Variants in EBI3 observed in about 807,000 individuals in gnomAD.
EBI3 encodes Epstein-Barr virus induced 3.
Under a neutral mutation model 21.3 loss-of-function variants are expected in EBI3, and 19 were observed. The observed-to-expected ratio is 0.89, with a 90% CI of 0.62 to 1.31. EBI3 has a LOEUF of 1.31. Among genes scored for constraint, EBI3 ranks in the 50% most tolerant of loss-of-function variants. The probability of loss-of-function intolerance (pLI) is 0.00; values close to 1 mark genes in which losing one functional copy is unlikely to be tolerated. For missense variants in EBI3, 331 were observed against 314.0 expected (o/e 1.05, Z -0.41); for synonymous variants, 154 against 131.2 (o/e 1.17, Z -1.19).
At chr19:4,234,395 GCA>G (rs1276842942) in intron 3 of EBI3, among the ~76,000 whole-genome samples, 1 of 151,852 alleles carries the variant, frequency 6.6e-6, no homozygotes. Flanking sequence ...GCAGCCCCAG[GCA>G]CACAGTTTCT....
intron 2 of EBI3, 144 bp from the exon 3 acceptor site, chr19:4,232,984 AC>A (rs1309513470): frequency 4.2e-6 from 4 of 944,470 alleles, no homozygotes; most frequent in Non-Finnish European, 4.4e-6. Flanking sequence ...TGGCACGGCC[AC>A]CACCAGGACC....
chr19:4,233,837 T>A (rs1201624242), intron 3 of EBI3, among the ~76,000 whole-genome samples: 1 of 152,222 alleles, frequency 6.6e-6, no homozygotes, highest in Non-Finnish European at 1.5e-5. Flanking sequence ...CCATGACTTA[T>A]TCCCTCACCT....
At chr19:4,236,518 C>CAAAAAAAAAAAAAGAAAAAAAAA (rs1970838863) in intron 4 of EBI3, among the ~76,000 whole-genome samples, 1 of 30,504 alleles carries the variant, frequency 3.3e-5, no homozygotes. Context: ...AAGACTGTCT[C>CAAAAAAAAAAAAAGAAAAAAAAA]AAAAAAAAAA....
In EBI3 at chr19:4,233,204, G is replaced by A. The variant is rs748598226; in HGVS notation, c.276G>A (p.Thr92=). Residue 92 remains threonine, a synonymous_variant, in exon 3 of 5, where the codon ACG becomes ACA. Transcript: ENST00000221847. ...QTPTSTSCTI[T]DVQLFSMAPY... is the part of the protein sequence containing the mutation. ...CAACGTCCACCAGCTGCACCATCAC[G>A]GATGTCCAGCTGTTCTCCATGGCTC... 1.1e-5 allele frequency: 17 copies of A among 1,612,386 alleles called. No homozygotes were observed. The African/African-American group carries it at 1.2e-4, about 11-fold the overall frequency.
At chr19:4,236,127 A>G (rs1208784269) in intron 4 of EBI3, among the ~76,000 whole-genome samples, 1 of 152,084 alleles carries the variant, frequency 6.6e-6, no homozygotes, top group Admixed American at 6.6e-5. Context: ...AGGCTGAGGC[A>G]GGCAGATCAC....
intron 2 of EBI3, among the ~76,000 whole-genome samples, chr19:4,232,755 TGAATGAATGAAG>T (rs1289231506): frequency 7.0e-5 from 3 of 43,038 alleles, no homozygotes; most frequent in Admixed American, 6.7e-4. Context: ...GATGAATTAA[TGAATGAATGAAG>T]GAATGAATTA....
At position 4,234,693 on chromosome 19, in the gene EBI3, C is replaced by G; in HGVS notation, c.406C>G (p.Arg136Gly). Residue 136 changes from arginine to glycine, a missense_variant, in exon 4 of 5, where the codon CGC becomes GGC. By Grantham distance (125) the Arg-to-Gly change is moderately radical. Transcript: ENST00000221847. ...CAAGCCCGACCCTCCAGAAGGCGTG[C>G]GCCTAAGCCCCCTCGCTGAGCGCCA... The part of the protein sequence containing the change: ...IIKPDPPEGV[R>G]LSPLAERQLQ... 3 of 1,613,994 alleles carry G rather than the reference C, an allele frequency of 1.9e-6. No homozygotes were observed. Among genetic ancestry groups the G allele is most frequent in the Non-Finnish European group, 2.5e-6 (3 of 1,179,970 alleles).
Position 4,229,524 on chromosome 19 carries a change from C to T in EBI3, c.-27C>T. 6.3e-7 allele frequency: 1 copy of T among 1,593,364 alleles called. No individual in the cohort carries two copies. Among genetic ancestry groups the T allele is most frequent in the Non-Finnish European group, 8.6e-7 (1 of 1,169,188 alleles). On this transcript the variant is annotated 5_prime_UTR_variant, in exon 1 of 5. Transcript: ENST00000221847. The stretch of plus-strand genomic sequence containing the variant: ...AAGTCTCCCACGACGTTCCCACCCA[C>T]TCCTGAGAGCAGAGCTGGCCGCAGC...
intron 4 of EBI3, among the ~76,000 whole-genome samples, chr19:4,235,234 G>T (rs1445873852): frequency 6.6e-6 from 1 of 151,772 alleles, no homozygotes; most frequent in Non-Finnish European, 1.5e-5. Context: ...GGCCAGGCTG[G>T]TCTCGAACTT....
intron 3 of EBI3, 36 bp downstream of exon 3, chr19:4,233,343 T>A: frequency 6.5e-7 from 1 of 1,538,058 alleles, no homozygotes; most frequent in Non-Finnish European, 8.7e-7. Context: ...GGGGCGGGGC[T>A]GCCGTCTCCT....
At chr19:4,231,730 C>T (rs1333920855) in intron 2 of EBI3, among the ~76,000 whole-genome samples, 2 of 143,954 alleles carry the variant, frequency 1.4e-5, no homozygotes, top group South Asian at 2.2e-4. Flanking sequence ...AAGATGGCAC[C>T]ATTGCACTCC....
rs754770251 is a variant in EBI3 at position 4,231,297 on chromosome 19, C to G, written c.174C>G (p.Ser58Arg). 6.2e-7 allele frequency: 1 copy of G among 1,612,530 alleles called. No homozygotes were observed. The highest frequency in any genetic ancestry group is 1.1e-5 in the South Asian group (1 of 90,942). The change falls in exon 2 of 5, where the codon AGC (serine) becomes AGG (arginine). Residue 58 changes from serine to arginine, a missense_variant. Ser to Arg is a moderately radical substitution (Grantham distance 110). Transcript: ENST00000221847. ...TGCCGCCTGCTCCAAACTCCACCAG[C>G]CCCGTGTCCTTCATTGCCACGTACA... is the stretch of plus-strand genomic sequence containing the variant. ...WTLPPAPNST[S>R]PVSFIATYRL...
rs4009634 is a variant in EBI3, at chr19:4,236,518, C to CAAAAAAAAAAAAAAAAAAAAAA, written c.538-414_538-393dup. 1.6e-3 allele frequency among the ~76,000 whole-genome samples: 48 copies of CAAAAAAAAAAAAAAAAAAAAAA among 30,506 alleles called. 10 individuals carry two copies. Among genetic ancestry groups the CAAAAAAAAAAAAAAAAAAAAAA allele is most frequent in the Middle Eastern group, 0.12 (2 of 16 alleles). The allele number at this position is 30,506 out of a possible 152,430, so 20.0% of individuals were successfully genotyped here. ...CCTGGGCAACAGAGTAAGACTGTCT[C>CAAAAAAAAAAAAAAAAAAAAAA]AAAAAAAAAAAAAAAAAAAAAAAAA... On this transcript the variant is annotated intron_variant, in intron 4 of 4. Transcript: ENST00000221847.
Position 4,236,997 on chromosome 19 carries a change from A to G in EBI3, c.599A>G (p.Tyr200Cys), listed in dbSNP as rs1210797872. Residue 200 changes from tyrosine to cysteine, a missense_variant, in exon 5 of 5, where the codon TAC (tyrosine) becomes TGC (cysteine). Physicochemically the swap from Tyr to Cys is radical, Grantham distance 194 (BLOSUM62 -2). Transcript: ENST00000221847. Reference protein sequence around the residue: ...LRAVRPRARYYVQVAAQDLTD... With the variant: ...LRAVRPRARYCVQVAAQDLTD... ...GCTGTGCGGCCCCGAGCCAGGTACT[A>G]CGTCCAAGTGGCGGCTCAGGACCTC... is the stretch of plus-strand genomic sequence containing the variant. 2 of 1,585,186 alleles carry G rather than the reference A, an allele frequency of 1.3e-6. No individual in the cohort carries two copies. Among genetic ancestry groups the G allele is most frequent in the East Asian group, 2.4e-5 (1 of 42,474 alleles).
At chr19:4,232,545 C>CT (rs949941093) in intron 2 of EBI3, among the ~76,000 whole-genome samples, 1 of 150,542 alleles carries the variant, frequency 6.6e-6, no homozygotes, top group Admixed American at 6.6e-5. Flanking sequence ...TACTGAGACC[C>CT]CCCCCCATCT....
At chr19:4,233,992 G>A (rs1036367222) in intron 3 of EBI3, among the ~76,000 whole-genome samples, 1 of 151,966 alleles carries the variant, frequency 6.6e-6, no homozygotes, top group Non-Finnish European at 1.5e-5. Flanking sequence ...ATCACCTGAG[G>A]TCAGGAGTTT....
intron 2 of EBI3, 62 bp from the exon 3 acceptor site, chr19:4,233,067 A>C: frequency 7.0e-7 from 1 of 1,428,122 alleles, no homozygotes; most frequent in Non-Finnish European, 9.1e-7. Context: ...CAGGCCCGGC[A>C]GTAGGAGGTG....
intron 1 of EBI3, 60 bp from the exon 2 acceptor site, chr19:4,231,131 C>T (rs966140488): frequency 7.4e-6 from 11 of 1,491,342 alleles, no homozygotes; most frequent in Middle Eastern, 2.0e-4. Flanking sequence ...GCCCAGCGCA[C>T]GGGAGGGCTA....
At chr19:4,231,522 C>A (rs752208297) in intron 2 of EBI3, among the ~76,000 whole-genome samples, 199 bp downstream of exon 2, 4 of 151,858 alleles carry the variant, frequency 2.6e-5, no homozygotes, top group Non-Finnish European at 5.9e-5. Flanking sequence ...GTAATCCCAG[C>A]GCTTTGGGAG....
Sources: allele counts gnomAD v4.1 joint callset (sites outside exome capture counted in the v4.1 genomes callset), GRCh38; gene constraint gnomAD v4.1.1; transcripts MANE v1.5; gene names NCBI Gene and HGNC (gene_info 2026-07-23, HGNC 2026-07-21).